LIMA1: variants seen among roughly 807,000 people sequenced by gnomAD.
The protein encoded by LIMA1 is LIM domain and actin binding 1.
A neutral mutation model predicts 62.6 loss-of-function variants in LIMA1; 52 were observed. That is an observed-to-expected ratio of 0.83 (90% CI 0.67 to 1.05). LIMA1 has a LOEUF of 1.05. Among genes scored for constraint, LIMA1 ranks in the 50% least tolerant of loss-of-function variants. LIMA1 has a pLI of 0.00. For synonymous variants in LIMA1, 302 were observed against 317.8 expected (o/e 0.95, Z 0.53); for missense variants, 780 against 902.2 (o/e 0.86, Z 1.74).
At chr12:50,185,482 C>A (rs1026235501) in intron 9 of LIMA1, 36 of 456,032 alleles carry the variant, frequency 7.9e-5, no homozygotes, top group African/African-American at 7.0e-4. Context: ...TCAATGAATA[C>A]ACAGCATTTG....
At chr12:50,275,321 T>C (rs1942263651) in intron 1 of LIMA1, among the ~76,000 whole-genome samples, 1 of 151,950 alleles carries the variant, frequency 6.6e-6, no homozygotes, top group Non-Finnish European at 1.5e-5. Context: ...TGAGCTGAGA[T>C]TGCGCCATTG....
chr12:50,236,734 C>CCACA (rs145408139), intron 2 of LIMA1, among the ~76,000 whole-genome samples: 56 of 149,494 alleles, frequency 3.7e-4, no homozygotes, highest in African/African-American at 1.1e-3. Flanking sequence ...CTCCTTAAAA[C>CCACA]CACACACACA....
chr12:50,250,682 C>T (rs1354922553), intron 1 of LIMA1, among the ~76,000 whole-genome samples: 2 of 151,442 alleles, frequency 1.3e-5, no homozygotes, highest in South Asian at 2.1e-4. Flanking sequence ...AAATCCTTGT[C>T]GGAAAATAAT....
intron 9 of LIMA1, chr12:50,186,929 T>C (rs1592497010): frequency 6.6e-6 from 1 of 152,222 alleles, no homozygotes; most frequent in East Asian, 1.9e-4. Context: ...CAAGGGAAAC[T>C]CTTTGGGGAG....
rs572483922 is a variant in LIMA1 at position 50,270,354 on chromosome 12, T to C, written c.-24+13066A>G. On this transcript the variant is annotated intron_variant, in intron 1 of 10. Transcript: ENST00000341247. ...TGGCTCACGCCTGTAATCCCAGCAC[T>C]CTGGGAGACCAAGGAGGATAGATTG... Among the ~76,000 whole-genome samples the C allele has an allele frequency of 2.7e-5, 4 of 150,716 alleles. No homozygotes were observed. In the South Asian group the frequency reaches 8.5e-4, roughly 32 times the overall value.
intron 2 of LIMA1, among the ~76,000 whole-genome samples, chr12:50,236,380 G>A (rs534074540): frequency 5.6e-4 from 81 of 145,450 alleles, no homozygotes; most frequent in Admixed American, 1.6e-3. Context: ...TCACTGCAAC[G>A]TCTGCCTCCC....
At chr12:50,254,861 G>A (rs1312287542) in intron 1 of LIMA1, among the ~76,000 whole-genome samples, 2 of 151,528 alleles carry the variant, frequency 1.3e-5, no homozygotes, top group East Asian at 3.9e-4. Flanking sequence ...GGAGTTCGAG[G>A]CCAGCCTGGC....
intron 7 of LIMA1, among the ~76,000 whole-genome samples, chr12:50,197,813 T>C (rs1211934341): frequency 6.7e-6 from 1 of 149,516 alleles, no homozygotes; most frequent in East Asian, 1.9e-4. Context: ...CTTTCTTTCT[T>C]TTTTTTTTTT....
At chr12:50,189,055 A>G (rs1368026878) in intron 9 of LIMA1, 1 of 152,246 alleles carries the variant, frequency 6.6e-6, no homozygotes, top group Non-Finnish European at 1.5e-5. Flanking sequence ...AGCATCAGCC[A>G]ACCTTCAAGG....
chr12:50,280,517 G>T (rs769060465), intron 1 of LIMA1, among the ~76,000 whole-genome samples: 4 of 152,122 alleles, frequency 2.6e-5, no homozygotes, highest in Non-Finnish European at 5.9e-5. Context: ...AAATTTTCAT[G>T]GTATCATGTT....
intron 1 of LIMA1, among the ~76,000 whole-genome samples, chr12:50,255,043 AAAAC>A (rs1941976893): frequency 1.3e-5 from 1 of 77,716 alleles, no homozygotes; most frequent in African/African-American, 9.2e-5. Flanking sequence ...CAAAAAAAAC[AAAAC>A]AAAAAAAAAC....
rs145968436 is a variant in LIMA1, at chr12:50,194,640, G to A, written c.1030+1190C>T. On this transcript the variant is annotated intron_variant, in intron 8 of 10. Transcript: ENST00000341247. ...AAATGGGCTGGGCACAGTGGCTCAC[G>A]CCCGTAATCTCAACACTTTGAGAGG... 1.3e-3 allele frequency among the ~76,000 whole-genome samples: 205 copies of A among 152,256 alleles called. 2 individuals are homozygous for A. Among genetic ancestry groups the A allele is most frequent in the Admixed American group, 8.8e-3 (134 of 15,280 alleles).
At chr12:50,184,861 T>C (rs1282943478) in intron 9 of LIMA1, among the ~76,000 whole-genome samples, 1 of 152,150 alleles carries the variant, frequency 6.6e-6, no homozygotes, top group Non-Finnish European at 1.5e-5. Flanking sequence ...AGACAGAGTC[T>C]CACTCTGTCA....
chr12:50,204,354 G>T, intron 6 of LIMA1, 198 bp downstream of exon 6: 1 of 515,770 alleles, frequency 1.9e-6, no homozygotes, highest in Non-Finnish European at 3.2e-6. Flanking sequence ...GTGGGAACCA[G>T]GACTAAGAAA....
At chr12:50,190,811 A>G (rs1592501228) in intron 9 of LIMA1, among the ~76,000 whole-genome samples, 1 of 151,122 alleles carries the variant, frequency 6.6e-6, no homozygotes, top group South Asian at 2.1e-4. Flanking sequence ...TCCTAAAAAA[A>G]AAAAAAAGTG....
At chr12:50,178,969 T>TTTTC (rs1940423736) in intron 10 of LIMA1, among the ~76,000 whole-genome samples, 1 of 149,440 alleles carries the variant, frequency 6.7e-6, no homozygotes, top group African/African-American at 2.5e-5. Context: ...TATATATATT[T>TTTTC]TTTTTTTCTT....
chr12:50,258,966 A>G (rs1362230268), intron 1 of LIMA1, among the ~76,000 whole-genome samples: 4 of 152,138 alleles, frequency 2.6e-5, no homozygotes, highest in African/African-American at 9.7e-5. Flanking sequence ...TTTATAAACT[A>G]TAAATTCATA....
At chr12:50,280,393 C>T (rs1377860883) in intron 1 of LIMA1, among the ~76,000 whole-genome samples, 1 of 151,984 alleles carries the variant, frequency 6.6e-6, no homozygotes, top group Admixed American at 6.6e-5. Context: ...CTCCTGACCT[C>T]GTGATCCTCC....
intron 1 of LIMA1, among the ~76,000 whole-genome samples, chr12:50,281,849 C>T (rs1010374891): frequency 2.0e-5 from 3 of 152,180 alleles, no homozygotes; most frequent in African/African-American, 7.2e-5. Flanking sequence ...ATTCCCTATG[C>T]TCCTACAGTA....
Sources: allele counts gnomAD v4.1 joint callset (sites outside exome capture counted in the v4.1 genomes callset), GRCh38; gene constraint gnomAD v4.1.1; transcripts MANE v1.5; gene names NCBI Gene and HGNC (gene_info 2026-07-23, HGNC 2026-07-21).